Variants in ZNF423 observed in about 807,000 individuals in gnomAD.
ZNF423 encodes the protein zinc finger protein 423.
Under a neutral mutation model 95.8 loss-of-function variants are expected in ZNF423, and 12 were observed. That is an observed-to-expected ratio of 0.13 (90% CI 0.08 to 0.20). The LOEUF (loss-of-function observed/expected upper bound fraction) is 0.20, where lower values mean the gene tolerates loss of function less well. Ranked by LOEUF, ZNF423 falls within the 10% of genes least tolerant of loss-of-function variation. The pLI is 1.00. For synonymous variants in ZNF423, 749 were observed against 711.9 expected (o/e 1.05, Z -0.83); for missense variants, 1,316 against 1,737.1 (o/e 0.76, Z 4.31).
chr16:49,767,717 C>T (rs1225068278), intron 2 of ZNF423, among the ~76,000 whole-genome samples: 1 of 152,198 alleles, frequency 6.6e-6, no homozygotes, highest in African/African-American at 2.4e-5. Flanking sequence ...AGAACATGCC[C>T]TCAAACACAG....
chr16:49,828,412 A>G lies in ZNF423; in HGVS notation c.40+27323T>C, dbSNP rs370614048. On this transcript the variant is annotated intron_variant, in intron 1 of 7. Coordinates refer to ENST00000563137, the MANE Select transcript of ZNF423 (RefSeq NM_001379286.1). ...TATGCGAGCAGTTAATTAGAATTAC[A>G]CAGACATGTTTATAGAAGTTTAAAT... Among the ~76,000 whole-genome samples the G allele has an allele frequency of 1.8e-4, 27 of 152,370 alleles. No homozygotes were observed. The Middle Eastern group carries it at 0.01, about 58-fold the overall frequency.
chr16:49,835,125 G>A (rs752929970), intron 1 of ZNF423, among the ~76,000 whole-genome samples: 2 of 152,082 alleles, frequency 1.3e-5, no homozygotes, highest in African/African-American at 4.8e-5. Context: ...CCCACCCCCT[G>A]GCCTTGGGGG....
At chr16:49,807,154 G>C (rs776958766) in intron 1 of ZNF423, among the ~76,000 whole-genome samples, 1 of 150,980 alleles carries the variant, frequency 6.6e-6, no homozygotes, top group Non-Finnish European at 1.5e-5. Flanking sequence ...AAGCCAGGCC[G>C]GGGGCGGTGG....
In ZNF423 at chr16:49,636,371, C is replaced by G; in HGVS notation, c.2805G>C (p.Lys935Asn). ...AACAAACGTTGCACTTGTGACTGCC[C>G]TTGATAAACTCAGCCTTCTTGCGTG... ...DGSRKKAEFI[K>N]GSHKCNVCSR... is the part of the protein sequence containing the mutation. The change falls in exon 4 of 8, where the codon AAG (lysine) becomes AAC (asparagine). Residue 935 changes from lysine to asparagine, a missense_variant. By Grantham distance (94) the Lys-to-Asn change is moderately conservative. This residue lies in a region of ZNF423 where 620 missense variants were observed against 775.6 expected (regional missense o/e 0.80). Coordinates refer to ENST00000563137, the MANE Select transcript of ZNF423 (RefSeq NM_001379286.1). The surrounding 1 kb of genome is among the most constrained non-coding windows in gnomAD (Gnocchi z 8.6). The G allele has an allele frequency of 1.9e-6, 3 of 1,613,020 alleles. No homozygotes were observed. Among genetic ancestry groups the G allele is most frequent in the Middle Eastern group, 1.7e-4 (1 of 6,060 alleles).
At chr16:49,574,605 T>C (rs1405378204) in intron 5 of ZNF423, among the ~76,000 whole-genome samples, 4 of 152,188 alleles carry the variant, frequency 2.6e-5, no homozygotes, top group Admixed American at 2.6e-4. Context: ...CAGCTTGCCA[T>C]ACCTAAGACT....
intron 3 of ZNF423, among the ~76,000 whole-genome samples, chr16:49,706,724 C>T (rs1207408843): frequency 6.6e-6 from 1 of 152,218 alleles, no homozygotes; most frequent in Non-Finnish European, 1.5e-5. Context: ...ACTTAGAGAT[C>T]TAAACATCAC....
intron 7 of ZNF423, among the ~76,000 whole-genome samples, chr16:49,514,761 C>T (rs77120096): frequency 2.6e-5 from 4 of 152,298 alleles, no homozygotes; most frequent in East Asian, 1.9e-4. Flanking sequence ...TTTGCCACCG[C>T]GGGCCCGGCT....
At chr16:49,760,854 T>C (rs907868349) in intron 2 of ZNF423, among the ~76,000 whole-genome samples, 13 of 151,210 alleles carry the variant, frequency 8.6e-5, no homozygotes, top group African/African-American at 2.9e-4. Flanking sequence ...GCTATATCCA[T>C]TGCTTCCAAG....
chr16:49,757,014 C>G (rs1490231994), intron 2 of ZNF423, among the ~76,000 whole-genome samples: 1 of 152,194 alleles, frequency 6.6e-6, no homozygotes, highest in Non-Finnish European at 1.5e-5. Flanking sequence ...CATTTTGTGT[C>G]ACCAACACAC....
At chr16:49,645,247 T>C (rs1189813278) in intron 3 of ZNF423, among the ~76,000 whole-genome samples, 1 of 152,168 alleles carries the variant, frequency 6.6e-6, no homozygotes, top group Non-Finnish European at 1.5e-5. Flanking sequence ...ACTGTGGCCC[T>C]TCCCTAAGCT....
At position 49,544,261 on chromosome 16, in the gene ZNF423, G is replaced by A. The variant is rs1171671501; in HGVS notation, c.3602-18767C>T. 2.6e-5 allele frequency among the ~76,000 whole-genome samples: 4 copies of A among 152,332 alleles called. No homozygotes were observed. In the East Asian group the frequency reaches 5.8e-4, roughly 22 times the overall value. On this transcript the variant is annotated intron_variant, in intron 5 of 7. Coordinates refer to ENST00000563137, the MANE Select transcript of ZNF423 (RefSeq NM_001379286.1). ...GAGGGAGGCAATAGCAGGAAGGAGT[G>A]CAGGGAGCTACCAGAGGCCACTGGG...
intron 1 of ZNF423, among the ~76,000 whole-genome samples, chr16:49,828,381 T>C (rs1054719540): frequency 1.3e-5 from 2 of 152,252 alleles, no homozygotes; most frequent in African/African-American, 2.4e-5. Context: ...TAACTTGTGA[T>C]GGCTTTATGC....
At chr16:49,594,622 C>G (rs1257372591) in intron 5 of ZNF423, among the ~76,000 whole-genome samples, 1 of 152,154 alleles carries the variant, frequency 6.6e-6, no homozygotes, top group Non-Finnish European at 1.5e-5. Flanking sequence ...CACAAACACA[C>G]TCAAAGACAA....
chr16:49,521,681 T>A (rs1284438757), intron 7 of ZNF423, among the ~76,000 whole-genome samples: 1 of 152,176 alleles, frequency 6.6e-6, no homozygotes, highest in Non-Finnish European at 1.5e-5. Flanking sequence ...GTTGTGACAA[T>A]GGGATAAAGG....
In ZNF423 at chr16:49,637,769, G is replaced by A; in HGVS notation, c.1407C>T (p.Arg469=). The change falls in exon 4 of 8, where the codon CGC becomes CGT. Residue 469 remains arginine, a synonymous_variant. Transcript: ENST00000563137. The surrounding 1 kb of genome is among the most constrained non-coding windows in gnomAD (Gnocchi z 5.6). ...GGTAGGCATGGTTCTTGTGCAGCTT[G>A]CGAACGTGCTCGTTGAGGTTGTAGA... ...PTLYNLNEHV[R]KLHKNHAYPV... The A allele has an allele frequency of 6.2e-7, 1 of 1,614,140 alleles. No homozygotes were observed. The highest frequency in any genetic ancestry group is 8.5e-7 in the Non-Finnish European group (1 of 1,180,038).
At chr16:49,560,300 C>G (rs1177675923) in intron 5 of ZNF423, among the ~76,000 whole-genome samples, 1 of 152,118 alleles carries the variant, frequency 6.6e-6, no homozygotes, top group Non-Finnish European at 1.5e-5. Context: ...ACTGCCTGGA[C>G]AGATTAAACC....
At chr16:49,525,622 A>T in intron 5 of ZNF423, 128 bp from the exon 6 acceptor site, 1 of 1,337,146 alleles carries the variant, frequency 7.5e-7, no homozygotes, top group Non-Finnish European at 1.0e-6. Context: ...TGGTGAAGGG[A>T]CTGCAGACAC....
At chr16:49,749,007 C>A (rs1364293343) in intron 2 of ZNF423, among the ~76,000 whole-genome samples, 1 of 152,148 alleles carries the variant, frequency 6.6e-6, no homozygotes, top group Non-Finnish European at 1.5e-5. Flanking sequence ...ATGGACAATG[C>A]GGTTTCTATG....
intron 2 of ZNF423, among the ~76,000 whole-genome samples, chr16:49,732,486 T>C (rs1265429187): frequency 2.0e-5 from 3 of 152,240 alleles, no homozygotes; most frequent in Admixed American, 2.0e-4. Context: ...TGCACTGATT[T>C]AAATCAAAGA....
Sources: gnomAD v4.1 joint callset for allele counts (sites outside exome capture counted in the v4.1 genomes callset) on GRCh38, gnomAD v4.1.1 for gene constraint, gnomAD v4.1.1 regional missense constraint, Gnocchi (gnomAD v3.1) non-coding constraint, MANE v1.5 for transcripts, NCBI Gene and HGNC (gene_info 2026-07-23, HGNC 2026-07-21) for gene names.